PUDP: variants seen among roughly 807,000 people sequenced by gnomAD.
PUDP encodes pseudouridine-5'-phosphatase.
A neutral mutation model predicts 9.4 loss-of-function variants in PUDP; 8 were observed. The observed-to-expected ratio is 0.85, with a 90% confidence interval of 0.50 to 1.53. The LOEUF (loss-of-function observed/expected upper bound fraction) is 1.53. PUDP is among the 40% of genes most tolerant of loss of function. The probability of loss-of-function intolerance (pLI) is 0.00; values close to 1 mark genes in which losing one functional copy is unlikely to be tolerated. For missense variants in PUDP, 188 were observed against 189.7 expected, an observed-to-expected ratio of 0.99 and a Z score of 0.05; for synonymous variants, 99 against 80.7, an observed-to-expected ratio of 1.23 and a Z score of -1.22.
intron 3 of PUDP, among the ~76,000 whole-genome samples, chrX:6,954,154 A>C (rs1928593566): frequency 9.0e-6 from 1 of 110,881 alleles, no homozygotes; most frequent in Non-Finnish European, 1.9e-5. Context: ...TTTCCTATAT[A>C]AATTACCCAG....
chrX:6,800,002 G>A (rs1201547016), intron 3 of PUDP, among the ~76,000 whole-genome samples: 1 of 111,576 alleles, frequency 9.0e-6, no homozygotes, highest in Admixed American at 9.5e-5. Context: ...ATTTTAGCGA[G>A]TACTATAACG....
chrX:6,982,605 C>T (rs1013142701), intron 1 of PUDP, among the ~76,000 whole-genome samples: 4 of 112,013 alleles, frequency 3.6e-5, no homozygotes, highest in Non-Finnish European at 7.5e-5. Context: ...ATGTTATCTG[C>T]AGGAGTAATT....
At chrX:6,856,199 G>A (rs867433703) in intron 3 of PUDP, among the ~76,000 whole-genome samples, 1 of 111,560 alleles carries the variant, frequency 9.0e-6, no homozygotes, top group Non-Finnish European at 1.9e-5. Flanking sequence ...AAGAAGGGAT[G>A]GAGGTAACTG....
At chrX:6,823,450 C>T (rs1411335658) in intron 3 of PUDP, among the ~76,000 whole-genome samples, 1 of 111,758 alleles carries the variant, frequency 8.9e-6, no homozygotes, top group Non-Finnish European at 1.9e-5. Flanking sequence ...TATTTACCAT[C>T]TCTTCTCTCT....
intron 3 of PUDP, among the ~76,000 whole-genome samples, chrX:6,953,956 T>C (rs2054113426): frequency 1.8e-5 from 2 of 110,830 alleles, no homozygotes; most frequent in Admixed American, 1.9e-4. Flanking sequence ...TTCTCAATGA[T>C]AGTGAGTGAG....
chrX:6,824,130 T>C (rs920736488), intron 3 of PUDP, among the ~76,000 whole-genome samples: 1 of 111,829 alleles, frequency 8.9e-6, no homozygotes, highest in Non-Finnish European at 1.9e-5. Context: ...AATTGAATCA[T>C]GGGGGCAGTC....
chrX:7,084,052 T>C (rs1205329531), intron 2 of PUDP, among the ~76,000 whole-genome samples: 3 of 112,191 alleles, frequency 2.7e-5, no homozygotes, highest in Admixed American at 1.9e-4. Flanking sequence ...AGAGAAACCC[T>C]GTCACCCTCC....
At chrX:6,815,173 G>GA (rs1198524845) in intron 3 of PUDP, among the ~76,000 whole-genome samples, 2,860 of 59,077 alleles carry the variant, frequency 0.048, 128 homozygotes, top group African/African-American at 0.17. Flanking sequence ...TATTGAAAAT[G>GA]AAAAAAAAAA....
intron 3 of PUDP, among the ~76,000 whole-genome samples, chrX:6,859,059 G>A (rs1926958501): frequency 9.0e-6 from 1 of 111,337 alleles, no homozygotes; most frequent in Non-Finnish European, 1.9e-5. Flanking sequence ...AGATCTGATG[G>A]TTTTATAAAG....
At chrX:6,793,216 A>G (rs1170641996) in intron 3 of PUDP, among the ~76,000 whole-genome samples, 2 of 112,155 alleles carry the variant, frequency 1.8e-5, no homozygotes, top group Admixed American at 1.9e-4. Flanking sequence ...CTGTCATTGA[A>G]AGTAGTGACA....
chrX:6,983,205 G>A (rs1005732151), intron 1 of PUDP, among the ~76,000 whole-genome samples: 9 of 111,767 alleles, frequency 8.1e-5, no homozygotes, highest in South Asian at 3.8e-4. Flanking sequence ...GCGGGAGAAC[G>A]GAGTTTTATT....
At chrX:6,987,396 G>A (rs1602702772) in intron 1 of PUDP, among the ~76,000 whole-genome samples, 2 of 111,896 alleles carry the variant, frequency 1.8e-5, no homozygotes, top group African/African-American at 6.5e-5. Context: ...TTAGAGACTC[G>A]GGGGTTCATT....
chrX:7,093,439 C>A (rs768729949), intron 2 of PUDP, among the ~76,000 whole-genome samples: 1 of 112,223 alleles, frequency 8.9e-6, no homozygotes, highest in Non-Finnish European at 1.9e-5. Flanking sequence ...TTGCTTTGTG[C>A]AACCATTTCT....
chrX:6,786,343 T>A (rs1307901884), intron 3 of PUDP, among the ~76,000 whole-genome samples: 1 of 111,593 alleles, frequency 9.0e-6, no homozygotes, highest in African/African-American at 3.3e-5. Context: ...GAGTCCCACA[T>A]GAAGAATAGT....
chrX:6,877,395 C>T (rs1454852398), intron 3 of PUDP, among the ~76,000 whole-genome samples: 1 of 112,044 alleles, frequency 8.9e-6, no homozygotes, highest in Non-Finnish European at 1.9e-5. Context: ...ACCAAAAATT[C>T]TCTCTGAACC....
At chrX:6,890,770 T>C (rs1251424989) in intron 3 of PUDP, among the ~76,000 whole-genome samples, 1 of 107,838 alleles carries the variant, frequency 9.3e-6, no homozygotes, top group East Asian at 2.9e-4. Context: ...TCCACGTGAA[T>C]AAATCAACAA....
chrX:7,050,171 C>G lies in PUDP; in HGVS notation c.*125G>C. 2 of 648,678 alleles carry G rather than the reference C, an allele frequency of 3.1e-6. No homozygotes were observed. The highest frequency in any genetic ancestry group is 2.3e-6 in the Non-Finnish European group (1 of 442,083). 53.5% of individuals were successfully genotyped at this position (648,678 alleles called of 1,213,427 possible). On this transcript the variant is annotated 3_prime_UTR_variant, in exon 4 of 4. Transcript: ENST00000381077. ...GACAAACCAACATGGGATGGAAACTCCAATCTCAGGAGGCTAAAATCACAG... is the reference window on the plus strand; with the variant it reads ...GACAAACCAACATGGGATGGAAACTGCAATCTCAGGAGGCTAAAATCACAG...
chrX:7,048,874 TG>T (rs773116737), downstream of PUDP: 1 of 112,444 alleles, frequency 8.9e-6, no homozygotes, highest in African/African-American at 3.2e-5. Flanking sequence ...CTTGGAAGAC[TG>T]TTTTTTTCTT....
At chrX:6,867,539 G>A (rs186700277) in intron 3 of PUDP, among the ~76,000 whole-genome samples, 2,184 of 109,321 alleles carry the variant, frequency 0.02, 58 homozygotes, top group African/African-American at 0.071. Flanking sequence ...TGGTGATGAC[G>A]TTGATGATGG....
Sources: allele counts gnomAD v4.1 joint callset (sites outside exome capture counted in the v4.1 genomes callset), GRCh38; gene constraint gnomAD v4.1.1; transcripts MANE v1.5; gene names NCBI Gene and HGNC (gene_info 2026-07-23, HGNC 2026-07-21).